LGMN: variants seen among roughly 807,000 people sequenced by gnomAD.
The protein encoded by LGMN is legumain, also known as asparaginyl endopeptidase.
In LGMN, 36 loss-of-function variants were observed where a neutral mutation model predicts 56.8. That is an observed-to-expected ratio of 0.63 (90% CI 0.49 to 0.84). LGMN has a LOEUF of 0.84. Among genes scored for constraint, LGMN ranks in the 40% least tolerant of loss-of-function variants. The pLI, the probability that LGMN is intolerant of heterozygous loss-of-function variation, is 0.00. For missense variants in LGMN, 446 were observed against 556.1 expected (o/e 0.80, Z 1.99); for synonymous variants, 199 against 210.1 (o/e 0.95, Z 0.46).
chr14:92,720,881 AT>A (rs1173805606), intron 2 of LGMN, among the ~76,000 whole-genome samples: 1 of 151,364 alleles, frequency 6.6e-6, no homozygotes, highest in East Asian at 1.9e-4. Flanking sequence ...ATTTTTGTTT[AT>A]TTTTTTGTTT....
intron 1 of LGMN, chr14:92,743,039 A>C (rs1891636438): frequency 6.6e-6 from 1 of 152,062 alleles, no homozygotes; most frequent in Non-Finnish European, 1.5e-5. Flanking sequence ...AAAAAAAAAA[A>C]AAACATCTGA....
At position 92,732,832 on chromosome 14, in the gene LGMN, A is replaced by C. The variant is rs781685675; in HGVS notation, c.-29-17T>G. 1.9e-6 allele frequency: 3 copies of C among 1,600,454 alleles called. No individual in the cohort carries two copies. The Admixed American group carries it at 5.2e-5, about 28-fold the overall frequency. The stretch of plus-strand genomic sequence containing the variant: ...TGCAGACACCTGAGAAGGGAAACAC[A>C]GAGTCAAGTACAAAGCAACAAGAAC... On this transcript the variant is annotated splice_polypyrimidine_tract_variant and intron_variant, in intron 1 of 13. Coordinates refer to ENST00000334869, the MANE Select transcript of LGMN (RefSeq NM_005606.7).
intron 2 of LGMN, among the ~76,000 whole-genome samples, chr14:92,719,240 CCA>C (rs1890273024): frequency 4.6e-5 from 1 of 21,796 alleles, no homozygotes; most frequent in Non-Finnish European, 7.4e-5. Context: ...GCCACCGCCA[CCA>C]CCGCCACCAC....
chr14:92,713,944 C>T, intron 6 of LGMN, 59 bp from the exon 7 acceptor site: 1 of 1,292,358 alleles, frequency 7.7e-7, no homozygotes. Context: ...GCTGGATAAG[C>T]CACTAGTAAA....
intron 2 of LGMN, among the ~76,000 whole-genome samples, chr14:92,729,841 G>A (rs1302962534): frequency 1.3e-5 from 2 of 152,166 alleles, no homozygotes; most frequent in Non-Finnish European, 2.9e-5. Flanking sequence ...GGGTGAATCG[G>A]CACAAATCTC....
At chr14:92,742,411 C>T (rs1449940836) in intron 1 of LGMN, among the ~76,000 whole-genome samples, 12 of 150,350 alleles carry the variant, frequency 8.0e-5, no homozygotes, top group Admixed American at 7.4e-4. Flanking sequence ...GATTCTCATG[C>T]GTCAGCCTCC....
At chr14:92,718,093 A>G (rs1890162224) in intron 3 of LGMN, among the ~76,000 whole-genome samples, 1 of 152,206 alleles carries the variant, frequency 6.6e-6, no homozygotes, top group Non-Finnish European at 1.5e-5. Context: ...CTAACCTACA[A>G]ACAAAAACAT....
intron 2 of LGMN, among the ~76,000 whole-genome samples, chr14:92,720,270 C>T (rs1211392706): frequency 2.0e-5 from 3 of 152,160 alleles, no homozygotes; most frequent in African/African-American, 7.2e-5. Flanking sequence ...CACAGCAACC[C>T]TTGATGATAA....
At chr14:92,731,258 G>A (rs1891037120) in intron 2 of LGMN, among the ~76,000 whole-genome samples, 1 of 152,218 alleles carries the variant, frequency 6.6e-6, no homozygotes, top group African/African-American at 2.4e-5. Context: ...ATTTGTTTCT[G>A]AGACTGACAA....
rs770681338 is a variant in LGMN, at chr14:92,717,398, C to T, written c.300G>A (p.Pro100=). 14 of 1,611,146 alleles carry T rather than the reference C, an allele frequency of 8.7e-6. No homozygotes were observed. Among genetic ancestry groups the T allele is most frequent in the South Asian group, 2.2e-5 (2 of 90,900 alleles). ...PNGTDVYQGV[P]KDYTGEDVTP... Reference sequence around the variant, plus strand: ...CACTCACCTCTCCAGTGTAGTCCTTCGGGACTCCCTGATAGACATCTGTGC... The same window carrying T: ...CACTCACCTCTCCAGTGTAGTCCTTTGGGACTCCCTGATAGACATCTGTGC... The change falls in exon 4 of 14, where the codon CCG becomes CCA. Residue 100 remains proline (P), a synonymous_variant. Transcript: ENST00000334869.
intron 2 of LGMN, among the ~76,000 whole-genome samples, chr14:92,725,634 G>A (rs1437453998): frequency 6.6e-6 from 1 of 151,654 alleles, no homozygotes; most frequent in Non-Finnish European, 1.5e-5. Flanking sequence ...GGAGTGCAGT[G>A]GCACGAACTT....
Position 92,713,859 on chromosome 14 carries a change from G to T in LGMN, c.507C>A (p.Thr169=). Reference sequence around the variant, plus strand: ...TTTTGTGTTTGTACATGTAATGGATGGTCTCATTCAGGTCCTTTACATGAA... The same window carrying T: ...TTTTGTGTTTGTACATGTAATGGATTGTCTCATTCAGGTCCTTTACATGAA... ...EDLHVKDLNE[T]IHYMYKHKMY... The change falls in exon 7 of 14, where the codon ACC becomes ACA. Residue 169 remains threonine, a synonymous_variant. Coordinates refer to ENST00000334869, the MANE Select transcript of LGMN (RefSeq NM_005606.7). The T allele has an allele frequency of 6.2e-7, 1 of 1,613,068 alleles. No individual in the cohort carries two copies. Among genetic ancestry groups the T allele is most frequent in the Non-Finnish European group, 8.5e-7 (1 of 1,179,066 alleles).
chr14:92,742,703 G>A (rs1359032219), intron 1 of LGMN, among the ~76,000 whole-genome samples: 2 of 152,172 alleles, frequency 1.3e-5, no homozygotes, highest in Non-Finnish European at 2.9e-5. Flanking sequence ...TGGGACCAAC[G>A]TGGGCAACAC....
chr14:92,744,625 C>T (rs1448041005), intron 1 of LGMN, among the ~76,000 whole-genome samples: 15 of 114,832 alleles, frequency 1.3e-4, no homozygotes, highest in Non-Finnish European at 2.4e-4. Context: ...GACGGAGTTT[C>T]GCTCTTGTTG....
chr14:92,736,905 G>C (rs981210604), intron 1 of LGMN, among the ~76,000 whole-genome samples: 1 of 152,116 alleles, frequency 6.6e-6, no homozygotes, highest in Non-Finnish European at 1.5e-5. Context: ...GTGAGGACAG[G>C]CGAGAGAGAG....
At chr14:92,739,075 T>A (rs1262610733) in intron 1 of LGMN, among the ~76,000 whole-genome samples, 1 of 146,066 alleles carries the variant, frequency 6.8e-6, no homozygotes, top group African/African-American at 2.5e-5. Flanking sequence ...GGGAAACACA[T>A]AAAAATAGAA....
At chr14:92,719,368 A>ACCACCAACACCGCCACCAACACCG (rs200589200) in intron 2 of LGMN, among the ~76,000 whole-genome samples, 1 of 135,942 alleles carries the variant, frequency 7.4e-6, no homozygotes. Context: ...CACCACCACC[A>ACCACCAACACCGCCACCAACACCG]CCACCAACAC....
intron 2 of LGMN, among the ~76,000 whole-genome samples, chr14:92,730,591 T>C (rs1891002206): frequency 6.6e-6 from 1 of 152,172 alleles, no homozygotes; most frequent in African/African-American, 2.4e-5. Context: ...GGTATCTTAT[T>C]ATTAATTTTT....
At chr14:92,726,251 A>T (rs570736786) in intron 2 of LGMN, among the ~76,000 whole-genome samples, 3 of 151,870 alleles carry the variant, frequency 2.0e-5, no homozygotes, top group African/African-American at 7.2e-5. Flanking sequence ...AAAAAAAAAA[A>T]AATTAAATAA....
Sources: allele counts gnomAD v4.1 joint callset (sites outside exome capture counted in the v4.1 genomes callset), GRCh38; gene constraint gnomAD v4.1.1; transcripts MANE v1.5; gene names NCBI Gene and HGNC (gene_info 2026-07-23, HGNC 2026-07-21).